The following SUGCT variants were observed in gnomAD, a reference collection of about 807,000 sequenced individuals.
The protein encoded by SUGCT is succinyl-CoA:glutarate CoA-transferase.
Under a neutral mutation model 55.0 loss-of-function variants are expected in SUGCT, and 41 were observed. The observed-to-expected ratio is 0.74, with a 90% CI of 0.58 to 0.97. The LOEUF (loss-of-function observed/expected upper bound fraction) is 0.97. Among genes scored for constraint, SUGCT ranks in the 50% least tolerant of loss-of-function variants. The pLI is 0.00. For synonymous variants in SUGCT, 187 were observed against 200.4 expected (o/e 0.93, Z 0.56); for missense variants, 568 against 547.8 (o/e 1.04, Z -0.37).
intron 9 of SUGCT, among the ~76,000 whole-genome samples, chr7:40,347,347 C>G (rs568428585): frequency 4.6e-5 from 7 of 152,250 alleles, no homozygotes; most frequent in African/African-American, 1.7e-4. Flanking sequence ...AAAGGCAACC[C>G]TTGTTATAAA....
chr7:40,668,838 C>A (rs942104666), intron 12 of SUGCT, among the ~76,000 whole-genome samples: 1 of 152,108 alleles, frequency 6.6e-6, no homozygotes, highest in Non-Finnish European at 1.5e-5. Flanking sequence ...AGCCAAACAC[C>A]ACTGAAAAAC....
the SUGCT span, among the ~76,000 whole-genome samples, chr7:41,024,658 T>A: frequency 1.1e-5 from 1 of 88,962 alleles, no homozygotes; most frequent in South Asian, 5.7e-4. Context: ...CCCAACAATT[T>A]GGCAAAAAAA....
intron 13 of SUGCT, among the ~76,000 whole-genome samples, chr7:40,768,448 GA>G (rs1788917652): frequency 6.6e-6 from 1 of 152,006 alleles, no homozygotes; most frequent in African/African-American, 2.4e-5. Flanking sequence ...CACTTCGTGG[GA>G]GGCACCTTTT....
the SUGCT span, among the ~76,000 whole-genome samples, chr7:40,899,516 C>T: frequency 3.9e-5 from 6 of 152,096 alleles, no homozygotes; most frequent in African/African-American, 1.4e-4. Context: ...AGCAAGAGCA[C>T]AACGAAAAAT....
At chr7:40,285,398 G>A (rs558893377) in intron 8 of SUGCT, among the ~76,000 whole-genome samples, 155 of 150,322 alleles carry the variant, frequency 1.0e-3, no homozygotes, top group African/African-American at 3.7e-3. Flanking sequence ...TTATTACTAA[G>A]TTAATTAATT....
At chr7:40,933,494 G>A in the SUGCT span, among the ~76,000 whole-genome samples, 1 of 152,066 alleles carries the variant, frequency 6.6e-6, no homozygotes. Flanking sequence ...TGCTAGGTTG[G>A]GGAAGTTCTC....
chr7:40,840,020 G>A lies in SUGCT; in HGVS notation c.1154-20296G>A, dbSNP rs187159506. Among the ~76,000 whole-genome samples the A allele has an allele frequency of 9.2e-5, 14 of 152,214 alleles. No homozygotes were observed. In the East Asian group the frequency reaches 2.7e-3, roughly 29 times the overall value. ...CTGCTTCCTTTATGGGTGAGAGCCA[G>A]CTTATCAAAGAAAAAACAGATGACT... On this transcript the variant is annotated intron_variant, in intron 13 of 13. Transcript: ENST00000335693.
intron 11 of SUGCT, among the ~76,000 whole-genome samples, chr7:40,472,650 CAAT>C (rs149714111): frequency 6.6e-5 from 10 of 151,084 alleles, no homozygotes; most frequent in Non-Finnish European, 1.2e-4. Flanking sequence ...CACATAATGC[CAAT>C]AATAATAATA....
chr7:40,650,834 A>G lies in SUGCT; in HGVS notation c.1090-98600A>G, dbSNP rs1240806193. Among the ~76,000 whole-genome samples the G allele has an allele frequency of 2.0e-5, 3 of 152,142 alleles. No individual in the cohort carries two copies. In the East Asian group the frequency reaches 5.8e-4, roughly 29 times the overall value. ...CCCATCACCTAGGTATTAAGCCAGC[A>G]TGCATTAGCTATTTTTCCTAATGTT... On this transcript the variant is annotated intron_variant, in intron 12 of 13. Transcript: ENST00000335693.
intron 6 of SUGCT, among the ~76,000 whole-genome samples, chr7:40,226,812 A>T (rs991442386): frequency 1.8e-4 from 27 of 151,996 alleles, no homozygotes; most frequent in Non-Finnish European, 3.5e-4. Context: ...CATATCACTT[A>T]AAAATTTATT....
At chr7:40,489,876 G>A (rs1276590690) in intron 11 of SUGCT, among the ~76,000 whole-genome samples, 1 of 152,184 alleles carries the variant, frequency 6.6e-6, no homozygotes, top group East Asian at 1.9e-4. Context: ...CCTTGTGGTT[G>A]TGTTTTGATG....
At chr7:40,594,687 C>T (rs1034342710) in intron 12 of SUGCT, among the ~76,000 whole-genome samples, 1 of 152,192 alleles carries the variant, frequency 6.6e-6, no homozygotes, top group Non-Finnish European at 1.5e-5. Context: ...CCTCTCTTCA[C>T]AGGATTTTAG....
the SUGCT span, among the ~76,000 whole-genome samples, chr7:40,962,373 C>G: frequency 6.6e-6 from 1 of 152,050 alleles, no homozygotes; most frequent in Non-Finnish European, 1.5e-5. Context: ...GAAAAGTTCT[C>G]CAAGTCCCCA....
intron 3 of SUGCT, among the ~76,000 whole-genome samples, chr7:40,182,453 T>A (rs951744599): frequency 3.3e-5 from 5 of 151,746 alleles, no homozygotes; most frequent in Non-Finnish European, 7.4e-5. Flanking sequence ...TTGCAGCTAC[T>A]TGGGAGGCTG....
intron 9 of SUGCT, among the ~76,000 whole-genome samples, chr7:40,435,348 T>G (rs1788114948): frequency 6.6e-6 from 1 of 152,280 alleles, no homozygotes; most frequent in Middle Eastern, 3.4e-3. Flanking sequence ...GAAGGAAGTT[T>G]GGGGAATCTA....
chr7:40,946,809 G>A, the SUGCT span, among the ~76,000 whole-genome samples: 1 of 152,102 alleles, frequency 6.6e-6, no homozygotes, highest in African/African-American at 2.4e-5. Context: ...TGAGAAATCA[G>A]CAATTAATAC....
intron 1 of SUGCT, among the ~76,000 whole-genome samples, chr7:40,164,341 G>C (rs1784323264): frequency 6.6e-6 from 1 of 152,170 alleles, no homozygotes; most frequent in Non-Finnish European, 1.5e-5. Flanking sequence ...TATTGGCCAA[G>C]CTGGTCTCAA....
At chr7:40,322,973 T>TAAATA (rs57592916) in intron 9 of SUGCT, among the ~76,000 whole-genome samples, 25 of 146,674 alleles carry the variant, frequency 1.7e-4, no homozygotes, top group Middle Eastern at 3.5e-3. Context: ...TCAAATAAAA[T>TAAATA]AAATAAAATA....
chr7:40,900,042 C>A, the SUGCT span, among the ~76,000 whole-genome samples: 10 of 152,262 alleles, frequency 6.6e-5, no homozygotes, highest in Admixed American at 3.3e-4. Context: ...AGGACCCCCA[C>A]CTCCTTCATC....
Sources: gnomAD v4.1 joint callset for allele counts (sites outside exome capture counted in the v4.1 genomes callset) on GRCh38, gnomAD v4.1.1 for gene constraint, MANE v1.5 for transcripts, NCBI Gene and HGNC (gene_info 2026-07-23, HGNC 2026-07-21) for gene names.